The following ANKS6 variants were observed in gnomAD, a reference collection of about 807,000 sequenced individuals.
ANKS6 encodes the protein ankyrin repeat and SAM domain-containing protein 6.
Under a neutral mutation model 77.9 loss-of-function variants are expected in ANKS6, and 47 were observed. The observed-to-expected ratio is 0.60, with a 90% CI of 0.48 to 0.77. The LOEUF (loss-of-function observed/expected upper bound fraction) is 0.77. Ranked by LOEUF, ANKS6 falls within the 30% of genes least tolerant of loss-of-function variation. The pLI, the probability that ANKS6 is intolerant of heterozygous loss-of-function variation, is 0.00. For missense variants in ANKS6, 1,150 were observed against 1,159.1 expected, an observed-to-expected ratio of 0.99 and a Z score of 0.11; for synonymous variants, 488 against 501.7, an observed-to-expected ratio of 0.97 and a Z score of 0.37.
chr9:98,769,399 G>A (rs1447858639), intron 10 of ANKS6, among the ~76,000 whole-genome samples: 1 of 152,064 alleles, frequency 6.6e-6, no homozygotes, highest in Non-Finnish European at 1.5e-5. Context: ...TGAATATGGA[G>A]GCATGAAGGT....
chr9:98,755,605 A>G (rs1832658361), intron 12 of ANKS6, among the ~76,000 whole-genome samples: 1 of 151,946 alleles, frequency 6.6e-6, no homozygotes, highest in Non-Finnish European at 1.5e-5. Context: ...GCTTGCCCTC[A>G]CCCATCCCCC....
Position 98,777,502 on chromosome 9 carries a change from C to T in ANKS6, c.1568-48G>A, listed in dbSNP as rs145673980. 5.0e-4 allele frequency: 790 copies of T among 1,589,160 alleles called. 2 individuals carry two copies. The African/African-American group carries it at 9.5e-3, about 19-fold the overall frequency. On this transcript the variant is annotated intron_variant, in intron 7 of 14. Transcript: ENST00000353234. ...CTGAAATGACCCCTCCACGTGTCCA[C>T]AGCATAAGGATGAGTGACTGGGGCA...
intron 12 of ANKS6, among the ~76,000 whole-genome samples, chr9:98,754,779 A>C (rs1461696294): frequency 6.6e-6 from 1 of 152,216 alleles, no homozygotes; most frequent in East Asian, 1.9e-4. Flanking sequence ...CAGAGAAATT[A>C]TTCTACAAAG....
rs1014177592 is a variant in ANKS6 at position 98,734,905 on chromosome 9, T to C, written c.*1614A>G. 1.0e-6 allele frequency: 1 copy of C among 985,450 alleles called. No individual in the cohort carries two copies. Among genetic ancestry groups the C allele is most frequent in the Middle Eastern group, 5.2e-4 (1 of 1,914 alleles). 61.0% of individuals were successfully genotyped at this position (985,450 alleles called of 1,614,324 possible). A position where few individuals can be genotyped will look rare whatever the true frequency, so the allele number is the denominator to read the frequency against. ...TGTGGAAAGTTGGCTTCTGTGAGTG[T>C]AAGGCTGAGAGAATTTAAAGGAAAA... is the stretch of plus-strand genomic sequence containing the variant. On this transcript the variant is annotated 3_prime_UTR_variant, in exon 15 of 15. Coordinates refer to ENST00000353234, the MANE Select transcript of ANKS6 (RefSeq NM_173551.5).
chr9:98,790,090 G>C lies in ANKS6; in HGVS notation c.862+14C>G, dbSNP rs1189902724. 1 of 1,540,886 alleles carries C rather than the reference G, an allele frequency of 6.5e-7. No homozygotes were observed. The highest frequency in any genetic ancestry group is 1.9e-5 in the Admixed American group (1 of 52,558). ...GGGGTCCTCTGTGAAGCCACGGGGG[G>C]CATGCAGCCTGACCTGTTTTGGGCC... is the stretch of plus-strand genomic sequence containing the variant. On this transcript the variant is annotated intron_variant, in intron 2 of 14. Coordinates refer to ENST00000353234, the MANE Select transcript of ANKS6 (RefSeq NM_173551.5).
intron 8 of ANKS6, among the ~76,000 whole-genome samples, chr9:98,777,181 T>C (rs1833960010): frequency 6.6e-6 from 1 of 152,174 alleles, no homozygotes; most frequent in Non-Finnish European, 1.5e-5. Flanking sequence ...GGGCCAGGGC[T>C]GACACCCAGC....
intron 13 of ANKS6, among the ~76,000 whole-genome samples, chr9:98,747,068 A>G (rs950698432): frequency 6.6e-6 from 1 of 152,226 alleles, no homozygotes; most frequent in East Asian, 1.9e-4. Context: ...CCCACCACAT[A>G]AATTACAGGG....
chr9:98,780,161 A>G, intron 6 of ANKS6, 28 bp downstream of exon 6: 2 of 1,611,750 alleles, frequency 1.2e-6, no homozygotes, highest in Admixed American at 3.3e-5. Flanking sequence ...CTAGCCCCCA[A>G]GCCCCTTTAA....
At chr9:98,762,229 T>C (rs1189459866) in intron 11 of ANKS6, among the ~76,000 whole-genome samples, 1 of 152,242 alleles carries the variant, frequency 6.6e-6, no homozygotes, top group Non-Finnish European at 1.5e-5. Flanking sequence ...TAAATGTTTA[T>C]TACTACTGTA....
At position 98,768,069 on chromosome 9, in the gene ANKS6, C is replaced by T; in HGVS notation, c.2142+12G>A. The T allele has an allele frequency of 1.9e-6, 3 of 1,598,746 alleles. No homozygotes were observed. The highest frequency in any genetic ancestry group is 2.6e-6 in the Non-Finnish European group (3 of 1,173,138). ...GTGAGTGTAACAGGAGGAGGCCACA[C>T]AAAACAAGCACCTTGCCAACAGGAG... On this transcript the variant is annotated intron_variant, in intron 11 of 14. Transcript: ENST00000353234.
intron 11 of ANKS6, among the ~76,000 whole-genome samples, chr9:98,763,194 C>A (rs1352058972): frequency 6.7e-6 from 1 of 149,706 alleles, no homozygotes; most frequent in Non-Finnish European, 1.5e-5. Flanking sequence ...CAACAGAATG[C>A]ACTTTCTTTC....
rs763888978 is a variant in ANKS6 at position 98,777,400 on chromosome 9, C to G, written c.1617+5G>C. On this transcript the variant is annotated splice_donor_5th_base_variant and intron_variant, in intron 8 of 14. Coordinates refer to ENST00000353234, the MANE Select transcript of ANKS6 (RefSeq NM_173551.5). Reference sequence around the variant, plus strand: ...AAAATGCTTTTAGAAAAGCCCCACACTCACCATGGTTGTCAATAACGTGTC... The same window carrying G: ...AAAATGCTTTTAGAAAAGCCCCACAGTCACCATGGTTGTCAATAACGTGTC... 2 of 1,614,110 alleles carry G rather than the reference C, an allele frequency of 1.2e-6. No individual in the cohort carries two copies. The highest frequency in any genetic ancestry group is 1.7e-6 in the Non-Finnish European group (2 of 1,179,976).
At chr9:98,758,551 G>A (rs899547809) in intron 11 of ANKS6, among the ~76,000 whole-genome samples, 1 of 152,018 alleles carries the variant, frequency 6.6e-6, no homozygotes, top group Admixed American at 6.6e-5. Flanking sequence ...CCTCAAAGTG[G>A]ACAGAGCAAA....
intron 11 of ANKS6, among the ~76,000 whole-genome samples, chr9:98,758,749 A>C (rs1832852613): frequency 6.6e-6 from 1 of 152,232 alleles, no homozygotes; most frequent in African/African-American, 2.4e-5. Context: ...TCTGTCTCTG[A>C]CAGTAAAAAC....
At position 98,733,014 on chromosome 9, in the gene ANKS6, T is replaced by C; in HGVS notation, c.*3505A>G. On this transcript the variant is annotated 3_prime_UTR_variant, in exon 15 of 15. Coordinates refer to ENST00000353234, the MANE Select transcript of ANKS6 (RefSeq NM_173551.5). ...GCGTGCCCAGGCTGAGCCTGAGCCA[T>C]CATCGATGACTTTCCCTGAGCTGTA... 1 of 916,382 alleles carries C rather than the reference T, an allele frequency of 1.1e-6. No homozygotes were observed. The highest frequency in any genetic ancestry group is 1.3e-6 in the Non-Finnish European group (1 of 759,498). The allele number at this position is 916,382 out of a possible 1,614,324, so 56.8% of individuals were successfully genotyped here.
rs564456975 is a variant in ANKS6 at position 98,787,372 on chromosome 9, CTT to C, written c.863-2498_863-2497del. 9.4e-4 allele frequency among the ~76,000 whole-genome samples: 133 copies of C among 141,116 alleles called. 1 individual carries two copies. Among genetic ancestry groups the C allele is most frequent in the Non-Finnish European group, 1.2e-3 (76 of 65,068 alleles). 92.6% of individuals were successfully genotyped at this position (141,116 alleles called of 152,430 possible). ...CCACACCCAACCTCTTTACACTGCC[CTT>C]TTTTTTTTTTTTTTAACCCTGTGGC... On this transcript the variant is annotated intron_variant, in intron 2 of 14. Coordinates refer to ENST00000353234, the MANE Select transcript of ANKS6 (RefSeq NM_173551.5).
Position 98,736,614 on chromosome 9 carries a change from T to G in ANKS6, c.2521A>C (p.Arg841=). The G allele has an allele frequency of 1.2e-6, 2 of 1,610,034 alleles. No individual in the cohort carries two copies. Among genetic ancestry groups the G allele is most frequent in the Non-Finnish European group, 1.7e-6 (2 of 1,177,962 alleles). The change falls in exon 15 of 15, where the codon AGA becomes CGA. Residue 841 remains arginine (R), a synonymous_variant. Transcript: ENST00000353234. ...SELNAGKGRE[R]QILQETIHNF... ...TGAATGGTTTCCTGTAAAATTTGTC[T>G]CTCGCGTCCCTGTGGAGGAAATTGA... is the stretch of plus-strand genomic sequence containing the variant.
intron 8 of ANKS6, among the ~76,000 whole-genome samples, chr9:98,774,711 A>G (rs1253847276): frequency 6.6e-6 from 1 of 152,232 alleles, no homozygotes; most frequent in Admixed American, 6.5e-5. Flanking sequence ...TTTAATTGTA[A>G]TTTAATTTTT....
intron 8 of ANKS6, among the ~76,000 whole-genome samples, chr9:98,776,458 T>A (rs1303628339): frequency 6.6e-6 from 1 of 150,482 alleles, no homozygotes; most frequent in African/African-American, 2.4e-5. Context: ...TGGAGAGCAA[T>A]GGCACGAGCT....
Sources: allele counts gnomAD v4.1 joint callset (sites outside exome capture counted in the v4.1 genomes callset), GRCh38; gene constraint gnomAD v4.1.1; transcripts MANE v1.5; gene names NCBI Gene and HGNC (gene_info 2026-07-23, HGNC 2026-07-21).